CSMD1: variants seen among roughly 807,000 people sequenced by gnomAD.
CSMD1 encodes CUB and sushi domain-containing protein 1.
In CSMD1, 213 loss-of-function variants were observed where a neutral mutation model predicts 417.5. The ratio of observed to expected loss-of-function variants is 0.51; its 90% CI spans 0.46 to 0.57. CSMD1 has a LOEUF of 0.57. Among genes scored for constraint, CSMD1 ranks in the 20% least tolerant of loss-of-function variants. CSMD1 has a pLI of 0.00. For missense variants in CSMD1, 6,923 were observed against 4,529.7 expected (o/e 1.53, Z -15.17); for synonymous variants, 2,862 against 1,736.8 (o/e 1.65, Z -16.11).
At chr8:3,617,504 G>A (rs959866644) in intron 7 of CSMD1, among the ~76,000 whole-genome samples, 3 of 152,056 alleles carry the variant, frequency 2.0e-5, no homozygotes, top group Admixed American at 6.6e-5. Context: ...TTAGCAGAGG[G>A]CTTGGGACCC....
intron 2 of CSMD1, among the ~76,000 whole-genome samples, chr8:4,601,224 G>A (rs1018100533): frequency 1.3e-5 from 2 of 152,098 alleles, no homozygotes; most frequent in East Asian, 3.9e-4. Context: ...CCAAAGTGCC[G>A]GGATTACAGG....
At chr8:2,968,365 T>A (rs1804152328) in intron 57 of CSMD1, among the ~76,000 whole-genome samples, 1 of 152,236 alleles carries the variant, frequency 6.6e-6, no homozygotes, top group Admixed American at 6.5e-5. Context: ...ACATTTGCTA[T>A]TCAATTGTAT....
At chr8:3,272,938 A>G (rs971656304) in intron 26 of CSMD1, among the ~76,000 whole-genome samples, 2 of 149,188 alleles carry the variant, frequency 1.3e-5, no homozygotes, top group Admixed American at 6.7e-5. Flanking sequence ...TCTCCTGCCT[A>G]ATTGCCCTGG....
At chr8:3,265,899 T>C (rs1303934230) in intron 26 of CSMD1, among the ~76,000 whole-genome samples, 1 of 151,872 alleles carries the variant, frequency 6.6e-6, no homozygotes, top group Non-Finnish European at 1.5e-5. Context: ...TCCATCTCCT[T>C]GGAGGCCACA....
chr8:4,429,498 C>G (rs752397848), intron 2 of CSMD1, among the ~76,000 whole-genome samples: 6 of 151,898 alleles, frequency 4.0e-5, no homozygotes, highest in East Asian at 1.9e-4. Context: ...AACAGATTAG[C>G]TTATATAATT....
chr8:3,453,354 C>G (rs183463785), intron 12 of CSMD1, among the ~76,000 whole-genome samples: 1 of 152,122 alleles, frequency 6.6e-6, no homozygotes, highest in African/African-American at 2.4e-5. Flanking sequence ...CTTCTGCTGG[C>G]TTTTGAATGT....
chr8:4,167,399 G>C (rs1028610851), intron 3 of CSMD1, among the ~76,000 whole-genome samples: 1 of 152,194 alleles, frequency 6.6e-6, no homozygotes, highest in African/African-American at 2.4e-5. Flanking sequence ...AATTTCATAG[G>C]CTAAAGTGTT....
intron 54 of CSMD1, among the ~76,000 whole-genome samples, chr8:2,989,743 A>G (rs1328385005): frequency 1.3e-5 from 2 of 152,174 alleles, no homozygotes; most frequent in African/African-American, 2.4e-5. Context: ...AGTGGAACCT[A>G]CATACAAAAA....
At chr8:4,106,793 G>A (rs1013427639) in intron 3 of CSMD1, among the ~76,000 whole-genome samples, 2 of 152,058 alleles carry the variant, frequency 1.3e-5, no homozygotes, top group Non-Finnish European at 2.9e-5. Context: ...TGACGGCGAT[G>A]GTCTGGGAGA....
intron 8 of CSMD1, among the ~76,000 whole-genome samples, chr8:3,608,433 A>G (rs1019683652): frequency 2.0e-5 from 3 of 152,112 alleles, no homozygotes; most frequent in Admixed American, 1.3e-4. Context: ...CATCTTTGAA[A>G]TGTTCTTAAA....
intron 5 of CSMD1, among the ~76,000 whole-genome samples, chr8:3,817,844 G>C (rs746254960): frequency 2.6e-5 from 4 of 152,086 alleles, no homozygotes; most frequent in Non-Finnish European, 4.4e-5. Context: ...AGCTTTCCCA[G>C]AGTCCAGAGC....
intron 3 of CSMD1, among the ~76,000 whole-genome samples, chr8:4,113,728 A>G (rs1221920174): frequency 6.6e-6 from 1 of 152,186 alleles, no homozygotes; most frequent in African/African-American, 2.4e-5. Flanking sequence ...AAGTGCATGA[A>G]TGAGAAGAAA....
intron 22 of CSMD1, among the ~76,000 whole-genome samples, chr8:3,344,410 G>T (rs2117617953): frequency 1.3e-5 from 2 of 152,060 alleles, no homozygotes; most frequent in African/African-American, 4.8e-5. Flanking sequence ...TGTATACCTG[G>T]GTAACAAGCC....
At chr8:4,053,764 T>A (rs964896369) in intron 3 of CSMD1, among the ~76,000 whole-genome samples, 10 of 152,142 alleles carry the variant, frequency 6.6e-5, no homozygotes, top group Non-Finnish European at 1.3e-4. Context: ...ATGATGGCAT[T>A]TGGGGGCTTA....
intron 3 of CSMD1, among the ~76,000 whole-genome samples, chr8:4,305,216 G>A (rs561015525): frequency 2.6e-5 from 4 of 152,334 alleles, no homozygotes; most frequent in South Asian, 2.1e-4. Flanking sequence ...CAACAGAGAA[G>A]GATGAAGTGC....
At chr8:4,679,265 C>A (rs572962061) in intron 1 of CSMD1, among the ~76,000 whole-genome samples, 89 of 152,254 alleles carry the variant, frequency 5.8e-4, no homozygotes, top group African/African-American at 1.9e-3. Flanking sequence ...GACGTGAACA[C>A]CCGAGAAGGT....
chr8:4,985,119 T>A (rs558566711), intron 1 of CSMD1, among the ~76,000 whole-genome samples: 1 of 152,006 alleles, frequency 6.6e-6, no homozygotes, highest in Admixed American at 6.6e-5. Context: ...GAACAGAAAA[T>A]CAAATACCAC....
chr8:3,267,899 G>A (rs1386183519), intron 26 of CSMD1, among the ~76,000 whole-genome samples: 1 of 152,092 alleles, frequency 6.6e-6, no homozygotes, highest in African/African-American at 2.4e-5. Flanking sequence ...AACTCACTGG[G>A]GTGGGAGATC....
At chr8:3,377,901 A>C (rs912457699) in intron 18 of CSMD1, among the ~76,000 whole-genome samples, 1 of 152,106 alleles carries the variant, frequency 6.6e-6, no homozygotes, top group African/African-American at 2.4e-5. Flanking sequence ...ATGTTATATT[A>C]TCTCTCTCTC....
Sources: allele counts gnomAD v4.1 joint callset (sites outside exome capture counted in the v4.1 genomes callset), GRCh38; gene constraint gnomAD v4.1.1; transcripts MANE v1.5; gene names NCBI Gene and HGNC (gene_info 2026-07-23, HGNC 2026-07-21).